Variants in JAZF1 observed in about 807,000 individuals in gnomAD.
The protein encoded by JAZF1 is JAZF zinc finger 1.
A neutral mutation model predicts 26.4 loss-of-function variants in JAZF1; 8 were observed. The observed-to-expected ratio is 0.30, with a 90% CI of 0.18 to 0.55. JAZF1 has a LOEUF of 0.55. JAZF1 is among the 20% of genes least tolerant of loss of function. The pLI, the probability that JAZF1 is intolerant of heterozygous loss-of-function variation, is 0.94. For missense variants in JAZF1, 199 were observed against 322.0 expected, an observed-to-expected ratio of 0.62 and a Z score of 2.92; for synonymous variants, 126 against 122.3, an observed-to-expected ratio of 1.03 and a Z score of -0.20.
chr7:28,125,674 A>T (rs1043536583), intron 1 of JAZF1, among the ~76,000 whole-genome samples: 3 of 152,092 alleles, frequency 2.0e-5, no homozygotes, highest in African/African-American at 7.3e-5. Flanking sequence ...AGAGTTGAGG[A>T]TATTCCCTTG....
chr7:28,126,545 G>A (rs1240885735), intron 1 of JAZF1, among the ~76,000 whole-genome samples: 1 of 152,108 alleles, frequency 6.6e-6, no homozygotes, highest in Non-Finnish European at 1.5e-5. Flanking sequence ...CTCACTCAGA[G>A]GCAGGAATGA....
At chr7:27,926,863 AG>A (rs1322738067) in intron 2 of JAZF1, among the ~76,000 whole-genome samples, 4 of 152,162 alleles carry the variant, frequency 2.6e-5, no homozygotes, top group African/African-American at 9.7e-5. Flanking sequence ...GGCAACAAAG[AG>A]GTAAGGTTTC....
intron 2 of JAZF1, among the ~76,000 whole-genome samples, chr7:27,951,103 C>G (rs10282662): frequency 0.31 from 47,123 of 152,066 alleles, 8,327 homozygotes; most frequent in Non-Finnish European, 0.4. Context: ...TTAATTACTT[C>G]TATTCCCCAT....
intron 2 of JAZF1, among the ~76,000 whole-genome samples, chr7:27,917,734 A>G (rs562349447): frequency 1.7e-4 from 26 of 152,220 alleles, no homozygotes; most frequent in Admixed American, 2.0e-4. Context: ...CATGTATACC[A>G]GTATTCAGAA....
At position 28,168,149 on chromosome 7, in the gene JAZF1, G is replaced by A. The variant is rs543403642; in HGVS notation, c.115+12314C>T. ...TGTAATCCCAGCACTTTGGGAGGCC[G>A]AGGCGGGTGGATCATGAGGTCAGGA... is the stretch of plus-strand genomic sequence containing the variant. On this transcript the variant is annotated intron_variant, in intron 1 of 4. Coordinates refer to ENST00000283928, the MANE Select transcript of JAZF1 (RefSeq NM_175061.4). 2.6e-3 allele frequency among the ~76,000 whole-genome samples: 389 copies of A among 152,212 alleles called. 1 individual carries two copies. The highest frequency in any genetic ancestry group is 4.2e-3 in the Non-Finnish European group (286 of 68,018).
chr7:28,094,499 T>G (rs1415673503), intron 1 of JAZF1, among the ~76,000 whole-genome samples: 3 of 152,236 alleles, frequency 2.0e-5, no homozygotes, highest in Admixed American at 1.3e-4. Context: ...TGGCCTGGGT[T>G]TCTGTTCTGA....
intron 3 of JAZF1, among the ~76,000 whole-genome samples, chr7:27,879,132 C>T (rs183449426): frequency 5.3e-5 from 8 of 152,294 alleles, no homozygotes; most frequent in Admixed American, 4.6e-4. Context: ...CAGTAAGACA[C>T]GCATTTTAGT....
chr7:28,066,599 T>C (rs1328980133), intron 1 of JAZF1, among the ~76,000 whole-genome samples: 21 of 92,350 alleles, frequency 2.3e-4, no homozygotes, highest in Admixed American at 6.2e-4. Context: ...CGAGACTCCA[T>C]CTCAAAAAAA....
intron 3 of JAZF1, among the ~76,000 whole-genome samples, chr7:27,894,937 C>T (rs1784033552): frequency 6.6e-6 from 1 of 151,612 alleles, no homozygotes; most frequent in African/African-American, 2.4e-5. Flanking sequence ...ATTACAGAGC[C>T]CATTAAAAAT....
intron 1 of JAZF1, among the ~76,000 whole-genome samples, chr7:28,092,194 C>G (rs1784308363): frequency 6.9e-6 from 1 of 144,996 alleles, no homozygotes; most frequent in Admixed American, 7.2e-5. Flanking sequence ...GGGTAGGAGT[C>G]AATGTTTAAA....
rs1284669446 is a variant in JAZF1, at chr7:27,830,756, CACAG to C, written c.*2040_*2043del. 5.0e-6 allele frequency: 1 copy of C among 199,518 alleles called. No individual in the cohort carries two copies. Among genetic ancestry groups the C allele is most frequent in the Non-Finnish European group, 1.0e-5 (1 of 96,474 alleles). The allele number at this position is 199,518 out of a possible 1,614,324, so 12.4% of individuals were successfully genotyped here. A position where few individuals can be genotyped will look rare whatever the true frequency, so the allele number is the denominator to read the frequency against. On this transcript the variant is annotated 3_prime_UTR_variant, in exon 5 of 5. Coordinates refer to ENST00000283928, the MANE Select transcript of JAZF1 (RefSeq NM_175061.4). ...AAAATATAATTTAAAGCACAGTTTT[CACAG>C]ACACAGTACAATACATTCACTATAC...
chr7:28,086,897 C>T (rs1784220207), intron 1 of JAZF1, among the ~76,000 whole-genome samples: 1 of 152,178 alleles, frequency 6.6e-6, no homozygotes, highest in African/African-American at 2.4e-5. Context: ...GAGTTAACAA[C>T]TTCCCCACAG....
At chr7:28,106,021 C>T (rs541513438) in intron 1 of JAZF1, among the ~76,000 whole-genome samples, 12 of 152,288 alleles carry the variant, frequency 7.9e-5, no homozygotes, top group African/African-American at 2.6e-4. Flanking sequence ...AGCTCACGAT[C>T]GGTTCTGCTA....
chr7:28,099,902 T>C (rs1784445738), intron 1 of JAZF1, among the ~76,000 whole-genome samples: 2 of 152,244 alleles, frequency 1.3e-5, no homozygotes, highest in African/African-American at 2.4e-5. Context: ...GGAGCTATAC[T>C]TGGCCTGCCT....
At chr7:28,029,136 G>A (rs1251344785) in intron 1 of JAZF1, among the ~76,000 whole-genome samples, 1 of 152,094 alleles carries the variant, frequency 6.6e-6, no homozygotes, top group Non-Finnish European at 1.5e-5. Flanking sequence ...GGACTGCGCC[G>A]AATGCTTCTT....
At chr7:28,102,357 TG>T (rs1784485894) in intron 1 of JAZF1, among the ~76,000 whole-genome samples, 1 of 152,362 alleles carries the variant, frequency 6.6e-6, no homozygotes, top group Middle Eastern at 3.4e-3. Flanking sequence ...ATAAAATGCC[TG>T]GCGATAGCGC....
chr7:27,879,600 G>A (rs149591673), intron 3 of JAZF1, among the ~76,000 whole-genome samples: 64 of 152,166 alleles, frequency 4.2e-4, no homozygotes, highest in African/African-American at 1.5e-3. Context: ...TCTAAAACTT[G>A]GTGGAATATT....
chr7:27,870,119 G>A (rs59454110), intron 3 of JAZF1, among the ~76,000 whole-genome samples: 33,992 of 143,074 alleles, frequency 0.24, 4,326 homozygotes, highest in East Asian at 0.5. Flanking sequence ...TAGAGACTGG[G>A]TTTCACCATG....
intron 3 of JAZF1, among the ~76,000 whole-genome samples, chr7:27,873,551 C>T (rs1055182247): frequency 6.6e-6 from 1 of 152,224 alleles, no homozygotes; most frequent in Non-Finnish European, 1.5e-5. Context: ...ACCCTCTACC[C>T]TTTCCTGCAC....
Sources: gnomAD v4.1 joint callset for allele counts (sites outside exome capture counted in the v4.1 genomes callset) on GRCh38, gnomAD v4.1.1 for gene constraint, MANE v1.5 for transcripts, NCBI Gene and HGNC (gene_info 2026-07-23, HGNC 2026-07-21) for gene names.